The following PCDHA2 variants were observed in gnomAD, a reference collection of about 807,000 sequenced individuals.
The protein encoded by PCDHA2 is protocadherin alpha 2, also known as protocadherin alpha-2.
A neutral mutation model predicts 66.0 loss-of-function variants in PCDHA2; 58 were observed. That is an observed-to-expected ratio of 0.88 (90% CI 0.71 to 1.09). The LOEUF is 1.09. Ranked by LOEUF, PCDHA2 falls within the 50% of genes least tolerant of loss-of-function variation. The pLI, the probability that PCDHA2 is intolerant of heterozygous loss-of-function variation, is 0.00. For synonymous variants in PCDHA2, 634 were observed against 554.0 expected, an observed-to-expected ratio of 1.14 and a Z score of -2.03; for missense variants, 1,267 against 1,242.3, an observed-to-expected ratio of 1.02 and a Z score of -0.30.
chr5:140,905,843 T>C (rs1554192236), intron 1 of PCDHA2, among the ~76,000 whole-genome samples: 1 of 152,126 alleles, frequency 6.6e-6, no homozygotes, highest in South Asian at 2.1e-4. Flanking sequence ...GGGAGTTTAT[T>C]AAGGAGTATT....
chr5:140,833,496 A>T (rs1266774652), intron 1 of PCDHA2, among the ~76,000 whole-genome samples: 1 of 152,230 alleles, frequency 6.6e-6, no homozygotes. Context: ...CATATTTGAG[A>T]TTGTAAAAAT....
chr5:140,854,474 G>A (rs2043136313), intron 1 of PCDHA2: 1 of 149,900 alleles, frequency 6.7e-6, no homozygotes, highest in Non-Finnish European at 1.5e-5. Context: ...GAGTAGAGAA[G>A]TATAGAAACA....
intron 1 of PCDHA2, chr5:140,928,490 CT>C: frequency 1.2e-6 from 2 of 1,614,150 alleles, no homozygotes; most frequent in Non-Finnish European, 1.7e-6. Context: ...GGTGGCATTC[CT>C]CCCAGAAGTG....
Position 140,803,008 on chromosome 5 carries a change from A to T in PCDHA2, c.2388+5656A>T, listed in dbSNP as rs372042203. ...GCAGTGGATGCAGACTCAGGCTACA[A>T]CGCGTGGCTTTCGTATGAGCTGCAG... is the stretch of plus-strand genomic sequence containing the variant. On this transcript the variant is annotated intron_variant, in intron 1 of 3. Coordinates refer to ENST00000526136, the MANE Select transcript of PCDHA2 (RefSeq NM_018905.3). 7.4e-6 allele frequency: 12 copies of T among 1,613,880 alleles called. No individual in the cohort carries two copies. The Middle Eastern group carries it at 8.2e-4, about 111-fold the overall frequency.
chr5:140,822,576 TGC>T (rs2150117469), intron 1 of PCDHA2: 12 of 1,612,800 alleles, frequency 7.4e-6, no homozygotes, highest in Non-Finnish European at 1.0e-5. Flanking sequence ...ACGCCTCAGA[TGC>T]AGATGAGGGC....
At position 140,836,647 on chromosome 5, in the gene PCDHA2, G is replaced by C. The variant is rs2150266694; in HGVS notation, c.2388+39295G>C. The C allele has an allele frequency of 1.3e-5, 21 of 1,613,346 alleles. 1 individual carries two copies. The highest frequency in any genetic ancestry group is 1.6e-5 in the Non-Finnish European group (19 of 1,179,654). ...AGCTGGTCATTCTCCCAGCAGAGGCGGCAGAGGGTGTGCTCTGGGGAGGGC... is the reference window on the plus strand; with the variant it reads ...AGCTGGTCATTCTCCCAGCAGAGGCCGCAGAGGGTGTGCTCTGGGGAGGGC... On this transcript the variant is annotated intron_variant, in intron 1 of 3. Transcript: ENST00000526136.
intron 1 of PCDHA2, chr5:140,877,232 C>A: frequency 6.2e-6 from 10 of 1,613,680 alleles, no homozygotes; most frequent in Non-Finnish European, 7.6e-6. Context: ...TCGGTGGGTG[C>A]GGGCCACGTG....
At chr5:140,838,813 T>A (rs1372139803) in intron 1 of PCDHA2, among the ~76,000 whole-genome samples, 1 of 151,884 alleles carries the variant, frequency 6.6e-6, no homozygotes, top group Non-Finnish European at 1.5e-5. Flanking sequence ...TTTCAGCTAC[T>A]CAAGAAACTG....
intron 1 of PCDHA2, chr5:140,823,264 C>G (rs1052475502): frequency 3.1e-5 from 50 of 1,612,792 alleles, no homozygotes; most frequent in Non-Finnish European, 4.2e-5. Flanking sequence ...GGTGGAGCGG[C>G]GGGTGGGCGA....
At chr5:140,807,825 C>T (rs562041682) in intron 1 of PCDHA2, 2 of 1,614,184 alleles carry the variant, frequency 1.2e-6, no homozygotes, top group Middle Eastern at 1.6e-4. Context: ...TTAGTGCTCA[C>T]AGCCACTGAT....
intron 1 of PCDHA2, chr5:140,928,757 G>A (rs372744198): frequency 6.2e-7 from 1 of 1,613,974 alleles, no homozygotes; most frequent in African/African-American, 1.3e-5. Flanking sequence ...CGTACTGCTC[G>A]CTTAGTTCTT....
At chr5:141,004,935 A>C (rs1554259817) in intron 3 of PCDHA2, among the ~76,000 whole-genome samples, 1 of 152,112 alleles carries the variant, frequency 6.6e-6, no homozygotes, top group African/African-American at 2.4e-5. Flanking sequence ...GAGAGAAGAA[A>C]ATTTCTTACC....
intron 1 of PCDHA2, chr5:140,927,414 A>T: frequency 6.2e-7 from 1 of 1,614,114 alleles, no homozygotes; most frequent in South Asian, 1.1e-5. Context: ...TGGACATGGG[A>T]TCGCGGGTTG....
At chr5:140,843,429 C>T (rs2150359763) in intron 1 of PCDHA2, 1 of 1,596,144 alleles carries the variant, frequency 6.3e-7, no homozygotes, top group Non-Finnish European at 8.6e-7. Context: ...CTGATCATCG[C>T]CATCTGCGCG....
chr5:140,889,077 T>G (rs1476404733), intron 1 of PCDHA2, among the ~76,000 whole-genome samples: 1 of 152,076 alleles, frequency 6.6e-6, no homozygotes, highest in Non-Finnish European at 1.5e-5. Flanking sequence ...CTTATTTTGT[T>G]AAATTTTCAA....
chr5:140,878,567 G>T (rs562054144), intron 1 of PCDHA2, among the ~76,000 whole-genome samples: 1 of 152,268 alleles, frequency 6.6e-6, no homozygotes, highest in Non-Finnish European at 1.5e-5. Flanking sequence ...ACTTATCATA[G>T]TATACCACTG....
At chr5:140,837,754 G>A (rs2150279444) in intron 1 of PCDHA2, among the ~76,000 whole-genome samples, 1 of 151,678 alleles carries the variant, frequency 6.6e-6, no homozygotes, top group Middle Eastern at 3.4e-3. Context: ...ATAGCCCACT[G>A]CAACCTGAAA....
At chr5:140,857,099 G>T in intron 1 of PCDHA2, 1 of 1,597,354 alleles carries the variant, frequency 6.3e-7, no homozygotes, top group Non-Finnish European at 8.6e-7. Context: ...TGAGGTGATT[G>T]TCACTTCTCT....
At chr5:140,876,278 C>A (rs1554168451) in intron 1 of PCDHA2, 1 of 1,614,030 alleles carries the variant, frequency 6.2e-7, no homozygotes, top group South Asian at 1.1e-5. Flanking sequence ...GCTTCCGATC[C>A]AGACGAAGGA....
Sources: allele counts gnomAD v4.1 joint callset (sites outside exome capture counted in the v4.1 genomes callset), GRCh38; gene constraint gnomAD v4.1.1; transcripts MANE v1.5; gene names NCBI Gene and HGNC (gene_info 2026-07-23, HGNC 2026-07-21).